The following BRCA1 variants were observed in gnomAD, a reference collection of about 807,000 sequenced individuals.
BRCA1 encodes BRCA1 DNA repair associated.
In BRCA1, 140 loss-of-function variants were observed where a neutral mutation model predicts 173.7. That is an observed-to-expected ratio of 0.81 (90% CI 0.70 to 0.93). The LOEUF is 0.93. BRCA1 is among the 40% of genes least tolerant of loss of function. BRCA1 has a pLI of 0.00. For missense variants in BRCA1, 1,983 were observed against 2,172.5 expected (o/e 0.91, Z 1.73); for synonymous variants, 662 against 756.0 (o/e 0.88, Z 2.04).
At chr17:43,051,699 C>T (rs541711460) in intron 19 of BRCA1, among the ~76,000 whole-genome samples, 89 of 150,190 alleles carry the variant, frequency 5.9e-4, no homozygotes, top group African/African-American at 1.8e-3. Context: ...CGTAGTGGTG[C>T]GATCTGGGCT....
intron 3 of BRCA1, among the ~76,000 whole-genome samples, chr17:43,108,230 C>G (rs1338119361): frequency 1.3e-5 from 2 of 150,020 alleles, no homozygotes; most frequent in Non-Finnish European, 3.0e-5. Flanking sequence ...CCCAGTTACT[C>G]GGGAGGCTGA....
chr17:43,141,593 T>C (rs2056075815), intron 1 of BRCA1, among the ~76,000 whole-genome samples: 2 of 151,864 alleles, frequency 1.3e-5, no homozygotes. Flanking sequence ...GGCGGGCGGA[T>C]CACGAGGTCA....
Position 43,078,937 on chromosome 17 carries a change from C to T in BRCA1, c.4358-2323G>A, listed in dbSNP as rs529141553. 5.9e-5 allele frequency among the ~76,000 whole-genome samples: 9 copies of T among 152,338 alleles called. No individual in the cohort carries two copies. The South Asian group carries it at 1.0e-3, about 18-fold the overall frequency. Reference sequence around the variant, plus strand: ...AAAAGTGGCCAGGTGATGTGGCTCACGCCTACAATCCCAGCACTTTGAGAG... The same window carrying T: ...AAAAGTGGCCAGGTGATGTGGCTCATGCCTACAATCCCAGCACTTTGAGAG... On this transcript the variant is annotated intron_variant, in intron 12 of 22. Transcript: ENST00000357654.
At chr17:43,047,812 C>A (rs2051001918) in intron 21 of BRCA1, 109 bp from the exon 22 acceptor site, 1 of 1,199,988 alleles carries the variant, frequency 8.3e-7, no homozygotes, top group Admixed American at 1.9e-5. Flanking sequence ...TGCTCTGTCA[C>A]CCAGGCTGGA....
At chr17:43,089,291 C>A (rs928970142) in intron 11 of BRCA1, among the ~76,000 whole-genome samples, 1 of 151,880 alleles carries the variant, frequency 6.6e-6, no homozygotes, top group Admixed American at 6.6e-5. Context: ...CCACTGCATT[C>A]CAGCCTGGGT....
intron 3 of BRCA1, among the ~76,000 whole-genome samples, chr17:43,109,158 T>G (rs527555690): frequency 6.6e-6 from 1 of 151,956 alleles, no homozygotes; most frequent in Non-Finnish European, 1.5e-5. Flanking sequence ...TGCGCTGGGC[T>G]ACTTTCTATC....
intron 11 of BRCA1, among the ~76,000 whole-genome samples, chr17:43,090,008 C>T (rs1328962852): frequency 7.3e-6 from 1 of 137,562 alleles, no homozygotes; most frequent in Non-Finnish European, 1.6e-5. Flanking sequence ...GACCCTGTGT[C>T]AAAGAAACCA....
In BRCA1 at chr17:43,049,113, A is replaced by G. The variant is rs55946644; in HGVS notation, c.5406+8T>C. The G allele has an allele frequency of 8.6e-4, 1,380 of 1,613,446 alleles. 17 individuals carry two copies. In the African/African-American group the frequency reaches 0.015, roughly 18 times the overall value. ...TCCTCCCTCTCTGACAGGGCACCCAATACTTACTGTGCCAAGGGTGAATGA... is the reference window on the plus strand; with the variant it reads ...TCCTCCCTCTCTGACAGGGCACCCAGTACTTACTGTGCCAAGGGTGAATGA... On this transcript the variant is annotated splice_region_variant and intron_variant, in intron 21 of 22. Transcript: ENST00000357654.
intron 13 of BRCA1, 48 bp downstream of exon 13, chr17:43,076,439 TA>T (rs1442390657): frequency 1.9e-6 from 3 of 1,605,086 alleles, no homozygotes; most frequent in African/African-American, 2.7e-5. Context: ...GAGTTCAATA[TA>T]AATAAAGATG....
chr17:43,062,323 G>C (rs2051800331), intron 18 of BRCA1, among the ~76,000 whole-genome samples: 1 of 152,044 alleles, frequency 6.6e-6, no homozygotes, highest in Admixed American at 6.6e-5. Context: ...TCAAACTCCT[G>C]GCCTCAAGTA....
intron 19 of BRCA1, 87 bp downstream of exon 19, chr17:43,056,965 A>T (rs2153339640): frequency 7.9e-7 from 1 of 1,265,122 alleles, no homozygotes; most frequent in South Asian, 1.2e-5. Context: ...TAAGTCTTAC[A>T]AAATGAAGCG....
intron 12 of BRCA1, among the ~76,000 whole-genome samples, chr17:43,078,634 A>C (rs1215022525): frequency 6.6e-6 from 1 of 152,262 alleles, no homozygotes; most frequent in African/African-American, 2.4e-5. Flanking sequence ...TGTATTAATT[A>C]AACTGTTTTT....
At position 43,067,890 on chromosome 17, in the gene BRCA1, T is replaced by TAA. The variant is rs71157702; in HGVS notation, c.4987-197_4987-196dup. 0.53 allele frequency among the ~76,000 whole-genome samples: 26,680 copies of TAA among 49,962 alleles called. 7,913 individuals carry two copies. Among genetic ancestry groups the TAA allele is most frequent in the African/African-American group, 0.6 (6,358 of 10,590 alleles). The allele number at this position is 49,962 out of a possible 152,430, so 32.8% of individuals were successfully genotyped here. On this transcript the variant is annotated intron_variant, in intron 15 of 22. Coordinates refer to ENST00000357654, the MANE Select transcript of BRCA1 (RefSeq NM_007294.4). ...CTTGCTCTGTCACCCAGGCTGGAGG[T>TAA]AAAAAAAAAAAAAAAAAAAAAATAG...
In BRCA1 at chr17:43,082,287, C is replaced by T. The variant is rs3737559; in HGVS notation, c.4357+117G>A. ...ACAAGAACCAAGGCTCCATAATTAC[C>T]CATGTGCTGAGCAAGGATCATAAAA... On this transcript the variant is annotated intron_variant, in intron 12 of 22. Coordinates refer to ENST00000357654, the MANE Select transcript of BRCA1 (RefSeq NM_007294.4). 92,231 of 1,141,584 alleles carry T rather than the reference C, an allele frequency of 0.081. 4,132 individuals carry two copies. The highest frequency in any genetic ancestry group is 0.11 in the South Asian group (7,262 of 68,670). 70.7% of individuals were successfully genotyped at this position (1,141,584 alleles called of 1,614,324 possible).
At chr17:43,145,165 A>G (rs1597938278) in intron 1 of BRCA1, 2 of 708,590 alleles carry the variant, frequency 2.8e-6, no homozygotes, top group Middle Eastern at 2.4e-4. Flanking sequence ...CCAAAAAACT[A>G]AAGAAGATTT....
At chr17:43,117,718 G>A (rs186793292) in intron 2 of BRCA1, among the ~76,000 whole-genome samples, 26 of 152,186 alleles carry the variant, frequency 1.7e-4, no homozygotes, top group Admixed American at 4.6e-4. Context: ...CAACCTGGGC[G>A]ACAGAGCTGG....
intron 1 of BRCA1, among the ~76,000 whole-genome samples, chr17:43,143,034 GTA>G (rs564545047): frequency 1.0e-4 from 15 of 149,108 alleles, no homozygotes; most frequent in African/African-American, 2.2e-4. Context: ...ATATATGTGT[GTA>G]TATATATGTA....
chr17:43,145,143 C>T (rs2056111292), intron 1 of BRCA1: 1 of 708,532 alleles, frequency 1.4e-6, no homozygotes, highest in Non-Finnish European at 2.7e-6. Context: ...GAAAACAGGC[C>T]GAAGTGGCTA....
intron 2 of BRCA1, among the ~76,000 whole-genome samples, chr17:43,121,169 A>G (rs1410958468): frequency 1.3e-5 from 2 of 151,876 alleles, no homozygotes; most frequent in African/African-American, 4.8e-5. Flanking sequence ...AGGTCAGGAG[A>G]TCGAGACCAT....
Sources: gnomAD v4.1 joint callset for allele counts (sites outside exome capture counted in the v4.1 genomes callset) on GRCh38, gnomAD v4.1.1 for gene constraint, MANE v1.5 for transcripts, NCBI Gene and HGNC (gene_info 2026-07-23, HGNC 2026-07-21) for gene names.